FRMPD4: variants seen among roughly 807,000 people sequenced by gnomAD.
FRMPD4 encodes FERM and PDZ domain-containing protein 4.
FRMPD4 carries 22 observed loss-of-function variants against 94.1 expected under a neutral mutation model. The observed-to-expected ratio is 0.23, with a 90% CI of 0.17 to 0.33. The LOEUF (loss-of-function observed/expected upper bound fraction) is 0.33. FRMPD4 is among the 10% of genes least tolerant of loss of function. The pLI is 1.00. For missense variants in FRMPD4, 1,111 were observed against 1,339.9 expected (o/e 0.83, Z 2.67); for synonymous variants, 631 against 548.6 (o/e 1.15, Z -2.10).
At chrX:11,848,656 T>G (rs1297166143) in intron 1 of FRMPD4, among the ~76,000 whole-genome samples, 1 of 110,285 alleles carries the variant, frequency 9.1e-6, no homozygotes, top group Admixed American at 9.8e-5. Flanking sequence ...ATATGTAGGG[T>G]GCTCATCAAG....
intron 1 of FRMPD4, among the ~76,000 whole-genome samples, chrX:12,159,585 C>T (rs974984509): frequency 8.9e-6 from 1 of 112,063 alleles, no homozygotes; most frequent in African/African-American, 3.2e-5. Flanking sequence ...GTTCTATATT[C>T]TTTTATAGAA....
intron 1 of FRMPD4, among the ~76,000 whole-genome samples, chrX:12,387,442 T>C (rs1417588039): frequency 8.9e-6 from 1 of 111,930 alleles, no homozygotes; most frequent in African/African-American, 3.2e-5. Flanking sequence ...ACTAGTCTTA[T>C]TGATTATAGA....
At chrX:12,107,396 T>C (rs181635278) in intron 3 of FRMPD4, among the ~76,000 whole-genome samples, 1 of 111,849 alleles carries the variant, frequency 8.9e-6, no homozygotes, top group Admixed American at 9.5e-5. Flanking sequence ...AAAACCCACC[T>C]GTACGTCACC....
chrX:12,658,747 C>T (rs747336241), intron 4 of FRMPD4, among the ~76,000 whole-genome samples: 5 of 110,855 alleles, frequency 4.5e-5, no homozygotes, highest in East Asian at 5.6e-4. Context: ...TTACAAGAAG[C>T]GCTCTTAAGA....
At chrX:12,305,466 C>A (rs1419034855) in intron 1 of FRMPD4, among the ~76,000 whole-genome samples, 1 of 111,291 alleles carries the variant, frequency 9.0e-6, no homozygotes, top group Non-Finnish European at 1.9e-5. Context: ...GTGGTGACAG[C>A]CAAAAGTCAG....
intron 1 of FRMPD4, among the ~76,000 whole-genome samples, chrX:12,195,122 A>G (rs1373067245): frequency 8.9e-6 from 1 of 112,307 alleles, no homozygotes; most frequent in Non-Finnish European, 1.9e-5. Flanking sequence ...ATGCCTCAAA[A>G]TTACAATGAA....
At chrX:12,019,345 G>C (rs1191819424) in intron 3 of FRMPD4, among the ~76,000 whole-genome samples, 1 of 109,446 alleles carries the variant, frequency 9.1e-6, no homozygotes, top group East Asian at 2.9e-4. Flanking sequence ...ACCATACCAG[G>C]TTCCTAATTG....
intron 1 of FRMPD4, among the ~76,000 whole-genome samples, chrX:12,182,096 A>T (rs2056366347): frequency 1.8e-5 from 2 of 111,501 alleles, no homozygotes; most frequent in Non-Finnish European, 3.8e-5. Context: ...CTCTACTGAA[A>T]CCATAAGGAC....
At chrX:12,153,253 T>G (rs2055886959) in intron 1 of FRMPD4, among the ~76,000 whole-genome samples, 1 of 112,210 alleles carries the variant, frequency 8.9e-6, no homozygotes, top group African/African-American at 3.2e-5. Flanking sequence ...ATAACTTAAA[T>G]TTTATTAATT....
At chrX:11,952,252 C>A (rs978823370) in intron 3 of FRMPD4, among the ~76,000 whole-genome samples, 7 of 111,696 alleles carry the variant, frequency 6.3e-5, no homozygotes, top group Non-Finnish European at 1.3e-4. Flanking sequence ...CTTTATCTCC[C>A]TAAGGAGACC....
intron 3 of FRMPD4, among the ~76,000 whole-genome samples, chrX:12,016,684 C>T (rs928351094): frequency 2.7e-5 from 3 of 112,259 alleles, no homozygotes; most frequent in African/African-American, 9.7e-5. Flanking sequence ...ATACAGAGTA[C>T]ATTGCCAACA....
chrX:12,572,316 T>G (rs1227413591), intron 2 of FRMPD4, among the ~76,000 whole-genome samples: 1 of 112,218 alleles, frequency 8.9e-6, no homozygotes, highest in Non-Finnish European at 1.9e-5. Context: ...CACTCACCCA[T>G]TTTTAAGTCC....
intron 3 of FRMPD4, among the ~76,000 whole-genome samples, chrX:11,946,949 C>T (rs188907552): frequency 2.4e-4 from 27 of 111,895 alleles, no homozygotes; most frequent in African/African-American, 6.5e-4. Flanking sequence ...TTGCAAATGG[C>T]GGACTGTGAG....
intron 1 of FRMPD4, among the ~76,000 whole-genome samples, chrX:12,302,804 T>C (rs1381580314): frequency 8.9e-6 from 1 of 112,313 alleles, no homozygotes; most frequent in Non-Finnish European, 1.9e-5. Flanking sequence ...AACCAGTTAT[T>C]CTTATTTTCC....
At chrX:12,707,118 C>A (rs935910524) in intron 12 of FRMPD4, among the ~76,000 whole-genome samples, 1 of 110,503 alleles carries the variant, frequency 9.0e-6, no homozygotes, top group Admixed American at 9.6e-5. Context: ...ATGTGAAGAA[C>A]CGAGAGAATC....
At chrX:12,167,542 G>T (rs2056142115) in intron 1 of FRMPD4, among the ~76,000 whole-genome samples, 1 of 111,683 alleles carries the variant, frequency 9.0e-6, no homozygotes, top group Non-Finnish European at 1.9e-5. Flanking sequence ...TCAAGTGGTA[G>T]CCACTTAGAT....
At chrX:12,252,619 A>G (rs1457133200) in intron 1 of FRMPD4, among the ~76,000 whole-genome samples, 2 of 112,328 alleles carry the variant, frequency 1.8e-5, no homozygotes, top group African/African-American at 3.2e-5. Context: ...AAAATATCAC[A>G]ATGAAAAATG....
chrX:12,125,542 A>AT (rs1415404973), intron 3 of FRMPD4, among the ~76,000 whole-genome samples: 1 of 109,604 alleles, frequency 9.1e-6, no homozygotes, highest in African/African-American at 3.3e-5. Context: ...TTTTTTTTTA[A>AT]TCCCCCCCGG....
chrX:12,231,054 T>TATATATAAAAA (rs1569199833), intron 1 of FRMPD4, among the ~76,000 whole-genome samples: 40 of 66,900 alleles, frequency 6.0e-4, no homozygotes, highest in African/African-American at 2.1e-3. Flanking sequence ...ATATAAAATA[T>TATATATAAAAA]ATATATATAT....
Sources: allele counts gnomAD v4.1 joint callset (sites outside exome capture counted in the v4.1 genomes callset), GRCh38; gene constraint gnomAD v4.1.1; transcripts MANE v1.5; gene names NCBI Gene and HGNC (gene_info 2026-07-23, HGNC 2026-07-21).